TCF12: variants seen among roughly 807,000 people sequenced by gnomAD.
TCF12 encodes the protein DNA-binding protein HTF4.
In TCF12, 45 loss-of-function variants were observed where a neutral mutation model predicts 86.0. That is an observed-to-expected ratio of 0.52 (90% CI 0.41 to 0.67). TCF12 has a LOEUF of 0.67. Among genes scored for constraint, TCF12 ranks in the 30% least tolerant of loss-of-function variants. The pLI, the probability that TCF12 is intolerant of heterozygous loss-of-function variation, is 0.00. For missense variants in TCF12, 881 were observed against 859.9 expected (o/e 1.02, Z -0.31); for synonymous variants, 330 against 299.6 (o/e 1.10, Z -1.05).
intron 18 of TCF12, among the ~76,000 whole-genome samples, chr15:57,268,053 A>G (rs756898218): frequency 6.6e-6 from 1 of 152,136 alleles, no homozygotes; most frequent in Non-Finnish European, 1.5e-5. Flanking sequence ...GCTTGCTTCC[A>G]TGGAGCACTG....
At position 57,205,487 on chromosome 15, in the gene TCF12, T is replaced by G. The variant is rs112493470; in HGVS notation, c.579+7662T>G. On this transcript the variant is annotated intron_variant, in intron 8 of 20. Coordinates refer to ENST00000333725, the MANE Select transcript of TCF12 (RefSeq NM_207037.2). The stretch of plus-strand genomic sequence containing the variant: ...TGCTTAGTTCCTTGGGCAAACAGCA[T>G]AGAGAACACACAACAACTGTATATA... Among the ~76,000 whole-genome samples, 134 of 152,294 alleles carry G rather than the reference T, an allele frequency of 8.8e-4. 4 individuals carry two copies. Among genetic ancestry groups the G allele is most frequent in the African/African-American group, 3.2e-3 (132 of 41,574 alleles).
At chr15:56,991,417 T>A (rs2063453111) in intron 3 of TCF12, among the ~76,000 whole-genome samples, 1 of 152,228 alleles carries the variant, frequency 6.6e-6, no homozygotes, top group African/African-American at 2.4e-5. Flanking sequence ...TTGAAAGGGC[T>A]GAACTTGTGA....
chr15:57,214,157 C>G (rs12914418), intron 8 of TCF12: 58,739 of 152,088 alleles, frequency 0.39, 14,163 homozygotes, highest in Non-Finnish European at 0.53. Context: ...GGGACCCCCC[C>G]TCTTTAATTT....
chr15:57,029,460 T>A (rs527475276), intron 3 of TCF12, among the ~76,000 whole-genome samples: 9 of 152,338 alleles, frequency 5.9e-5, no homozygotes, highest in Non-Finnish European at 1.3e-4. Context: ...CTTGCTAGAA[T>A]TTTGATTGGA....
intron 6 of TCF12, among the ~76,000 whole-genome samples, chr15:57,181,062 C>T (rs1355003393): frequency 4.0e-5 from 6 of 151,862 alleles, no homozygotes; most frequent in African/African-American, 1.2e-4. Context: ...GATCCGCCCG[C>T]CTCGGTCTCC....
intron 6 of TCF12, among the ~76,000 whole-genome samples, chr15:57,170,675 AAT>A (rs2055300422): frequency 1.1e-4 from 1 of 9,472 alleles, no homozygotes; most frequent in Non-Finnish European, 1.8e-4. Context: ...ATATATATAT[AAT>A]ATATTATATA....
intron 3 of TCF12, among the ~76,000 whole-genome samples, chr15:57,043,421 T>A (rs1817972171): frequency 6.6e-6 from 1 of 152,184 alleles, no homozygotes; most frequent in African/African-American, 2.4e-5. Flanking sequence ...TTCCAGTCTC[T>A]CCACGTCCTC....
chr15:57,281,192 G>C, intron 19 of TCF12, among the ~76,000 whole-genome samples: 1 of 148,760 alleles, frequency 6.7e-6, no homozygotes, highest in Admixed American at 6.8e-5. Flanking sequence ...GACAACTCTT[G>C]GGCTCAAGCG....
At chr15:56,986,368 G>C (rs538213699) in intron 3 of TCF12, among the ~76,000 whole-genome samples, 1 of 152,218 alleles carries the variant, frequency 6.6e-6, no homozygotes, top group South Asian at 2.1e-4. Flanking sequence ...AAATGTAAAT[G>C]CTACTTTTTG....
intron 9 of TCF12, 33 bp downstream of exon 9, chr15:57,231,290 T>A (rs566993320): frequency 7.1e-7 from 1 of 1,413,236 alleles, no homozygotes; most frequent in Admixed American, 1.7e-5. Flanking sequence ...CAAATACTAC[T>A]GCAGTCATCT....
chr15:57,141,865 T>A (rs1226364797), intron 5 of TCF12, among the ~76,000 whole-genome samples: 1 of 152,140 alleles, frequency 6.6e-6, no homozygotes, highest in African/African-American at 2.4e-5. Flanking sequence ...ACAGGAAGAT[T>A]AGCTAGATTA....
chr15:57,046,452 T>C (rs1395527719), intron 3 of TCF12, among the ~76,000 whole-genome samples: 1 of 152,158 alleles, frequency 6.6e-6, no homozygotes, highest in Non-Finnish European at 1.5e-5. Flanking sequence ...TGTTTGTTTG[T>C]TTGTTTTTGA....
At chr15:57,053,982 TTAA>T (rs1311784903) in intron 3 of TCF12, among the ~76,000 whole-genome samples, 1 of 152,216 alleles carries the variant, frequency 6.6e-6, no homozygotes, top group East Asian at 1.9e-4. Context: ...AGGAGATTAA[TTAA>T]TGAGTGAGTA....
intron 3 of TCF12, among the ~76,000 whole-genome samples, chr15:57,009,846 T>A (rs982071006): frequency 6.6e-6 from 1 of 152,200 alleles, no homozygotes; most frequent in Non-Finnish European, 1.5e-5. Context: ...CATAGAATTT[T>A]CCACATACAA....
At chr15:57,151,620 C>T (rs945795721) in intron 5 of TCF12, among the ~76,000 whole-genome samples, 1 of 152,044 alleles carries the variant, frequency 6.6e-6, no homozygotes, top group Non-Finnish European at 1.5e-5. Flanking sequence ...CAAAAATTAG[C>T]TGGGTGTGGT....
chr15:57,208,356 C>T (rs1159190954), intron 8 of TCF12, among the ~76,000 whole-genome samples: 1 of 139,960 alleles, frequency 7.1e-6, no homozygotes, highest in Non-Finnish European at 1.5e-5. Context: ...CAAAAGATAA[C>T]CTTGTTCTTT....
chr15:57,045,604 G>C (rs2067182192), intron 3 of TCF12, among the ~76,000 whole-genome samples: 1 of 152,070 alleles, frequency 6.6e-6, no homozygotes, highest in African/African-American at 2.4e-5. Context: ...GCAGTACAAT[G>C]GCATAATCAT....
chr15:56,921,805 GA>G (rs2059805678), intron 3 of TCF12, among the ~76,000 whole-genome samples: 1 of 151,832 alleles, frequency 6.6e-6, no homozygotes, highest in Non-Finnish European at 1.5e-5. Context: ...AAAATACTGT[GA>G]GAATAAAACA....
At chr15:57,259,699 T>C (rs1268511093) in intron 16 of TCF12, among the ~76,000 whole-genome samples, 2 of 152,178 alleles carry the variant, frequency 1.3e-5, no homozygotes, top group South Asian at 4.1e-4. Flanking sequence ...CTTGCCCTGC[T>C]ACTCCCCTAA....
Sources: allele counts gnomAD v4.1 joint callset (sites outside exome capture counted in the v4.1 genomes callset), GRCh38; gene constraint gnomAD v4.1.1; transcripts MANE v1.5; gene names NCBI Gene and HGNC (gene_info 2026-07-23, HGNC 2026-07-21).